NFASC: variants seen among roughly 807,000 people sequenced by gnomAD.
NFASC encodes neurofascin homolog.
A neutral mutation model predicts 147.5 loss-of-function variants in NFASC; 43 were observed. The observed-to-expected ratio is 0.29, with a 90% CI of 0.23 to 0.38. The LOEUF is 0.38. Among genes scored for constraint, NFASC ranks in the 10% least tolerant of loss-of-function variants. The probability of loss-of-function intolerance (pLI) is 1.00; values close to 1 mark genes in which losing one functional copy is unlikely to be tolerated. For missense variants in NFASC, 1,320 were observed against 1,689.0 expected (o/e 0.78, Z 3.83); for synonymous variants, 622 against 665.5 (o/e 0.93, Z 1.01).
chr1:204,988,503 A>G, intron 22 of NFASC, 130 bp from the exon 23 acceptor site: 1 of 795,614 alleles, frequency 1.3e-6, no homozygotes, highest in Non-Finnish European at 2.1e-6. Context: ...AGCCTTTAAG[A>G]TCACCAGGCA....
At chr1:205,004,471 T>G (rs2096065157) in intron 27 of NFASC, among the ~76,000 whole-genome samples, 1 of 152,216 alleles carries the variant, frequency 6.6e-6, no homozygotes, top group Non-Finnish European at 1.5e-5. Flanking sequence ...CTTCCCAGAC[T>G]CCTCCCAGCG....
At chr1:204,845,088 G>C (rs757425288) in intron 1 of NFASC, among the ~76,000 whole-genome samples, 1 of 152,108 alleles carries the variant, frequency 6.6e-6, no homozygotes, top group East Asian at 1.9e-4. Context: ...CTCTGTGCCC[G>C]AGCTGTCTTA....
chr1:204,963,166 G>A (rs1236110261), intron 8 of NFASC, among the ~76,000 whole-genome samples: 2 of 152,190 alleles, frequency 1.3e-5, no homozygotes, highest in Admixed American at 6.5e-5. Flanking sequence ...GAGGGAGCGC[G>A]AGCCAGGGAG....
intron 8 of NFASC, among the ~76,000 whole-genome samples, chr1:204,961,086 C>A (rs2150115393): frequency 6.6e-6 from 1 of 152,256 alleles, no homozygotes; most frequent in South Asian, 2.1e-4. Flanking sequence ...CAGCTGTATA[C>A]CCCACCCCCT....
chr1:204,929,425 CTGGT>C, intron 2 of NFASC: 1 of 152,452 alleles, frequency 6.6e-6, no homozygotes, highest in South Asian at 2.1e-4. Flanking sequence ...AAGACAATGA[CTGGT>C]TGACCCCACA....
intron 1 of NFASC, among the ~76,000 whole-genome samples, chr1:204,900,770 A>G (rs182855066): frequency 1.3e-5 from 2 of 152,314 alleles, no homozygotes; most frequent in East Asian, 1.9e-4. Flanking sequence ...AGGGAGAAAT[A>G]TAGGCTAGCA....
At chr1:204,939,038 A>ATGTATGTGTGTGTGTGTGTGTGTG in intron 2 of NFASC, among the ~76,000 whole-genome samples, 1 of 123,668 alleles carries the variant, frequency 8.1e-6, no homozygotes, top group Non-Finnish European at 1.7e-5. Context: ...GTATGGATGG[A>ATGTATGTGTGTGTGTGTGTGTGTG]TGTGTGTGTG....
At chr1:204,923,603 C>T (rs537120158) in intron 2 of NFASC, among the ~76,000 whole-genome samples, 2 of 152,238 alleles carry the variant, frequency 1.3e-5, no homozygotes, top group South Asian at 4.2e-4. Context: ...GACACAGGCC[C>T]CCTTGGACAG....
chr1:204,974,036 T>C (rs1032140026), intron 12 of NFASC, 143 bp from the exon 13 acceptor site: 1 of 644,336 alleles, frequency 1.6e-6, no homozygotes, highest in Non-Finnish European at 2.7e-6. Context: ...AGGGGCTTCC[T>C]GAAGGAGGGA....
intron 2 of NFASC, among the ~76,000 whole-genome samples, chr1:204,924,477 C>T (rs969919154): frequency 2.4e-4 from 37 of 152,322 alleles, no homozygotes; most frequent in Admixed American, 7.2e-4. Context: ...AGACCCAGCT[C>T]CCTCTCTGGG....
intron 1 of NFASC, among the ~76,000 whole-genome samples, chr1:204,850,733 GC>G (rs2075607464): frequency 6.6e-6 from 1 of 152,206 alleles, no homozygotes; most frequent in Non-Finnish European, 1.5e-5. Flanking sequence ...TCCCAGCCAT[GC>G]TTCTGTACAG....
At chr1:204,978,757 G>T (rs116145346) in intron 17 of NFASC, among the ~76,000 whole-genome samples, 1,524 of 152,280 alleles carry the variant, frequency 0.01, 25 homozygotes, top group African/African-American at 0.033. Context: ...TTCTTTGTGG[G>T]GGGGGGCTGG....
At position 204,979,613 on chromosome 1, in the gene NFASC, A is replaced by C; in HGVS notation, c.2176+54A>C. ...CTCCGGAACCCCGCACCCCAAACTC[A>C]CACTGAGATCCCCCCATTCCCAGCC... On this transcript the variant is annotated intron_variant, in intron 19 of 29. Coordinates refer to ENST00000339876, the MANE Select transcript of NFASC (RefSeq NM_001005388.3). The surrounding 1 kb of genome is among the most constrained non-coding windows in gnomAD (Gnocchi z 6.0). The C allele has an allele frequency of 6.9e-5, 103 of 1,497,932 alleles. No homozygotes were observed. The highest frequency in any genetic ancestry group is 9.0e-5 in the Non-Finnish European group (97 of 1,075,918). The allele number at this position is 1,497,932 out of a possible 1,614,324, so 92.8% of individuals were successfully genotyped here.
At position 205,012,882 on chromosome 1, in the gene NFASC, C is replaced by A. The variant is rs745323205; in HGVS notation, c.3491+16C>A. The A allele has an allele frequency of 5.6e-6, 9 of 1,595,232 alleles. No individual in the cohort carries two copies. The Admixed American group carries it at 6.7e-5, about 12-fold the overall frequency. On this transcript the variant is annotated intron_variant, in intron 29 of 29. Transcript: ENST00000339876. ...TTGACTATAGGTGCGTGATCTCCCTCCTCCTCTCTCAGGCAGGCTGTCCTC... is the reference window on the plus strand; with the variant it reads ...TTGACTATAGGTGCGTGATCTCCCTACTCCTCTCTCAGGCAGGCTGTCCTC...
intron 1 of NFASC, among the ~76,000 whole-genome samples, chr1:204,900,468 C>T (rs1442278230): frequency 6.6e-6 from 1 of 152,156 alleles, no homozygotes. Context: ...ATTTATTCAA[C>T]AAATATTTTT....
intron 26 of NFASC, 79 bp downstream of exon 26, chr1:205,001,365 A>C: frequency 1.2e-6 from 1 of 860,926 alleles, no homozygotes. Flanking sequence ...GCCATTAAAG[A>C]GCTCCTGTGA....
intron 27 of NFASC, among the ~76,000 whole-genome samples, chr1:205,008,190 T>C (rs2096173568): frequency 6.6e-6 from 1 of 152,116 alleles, no homozygotes; most frequent in Non-Finnish European, 1.5e-5. Context: ...CTGGGAACTT[T>C]CTTGGTGCAA....
intron 27 of NFASC, among the ~76,000 whole-genome samples, chr1:205,007,505 G>A (rs2096146404): frequency 6.6e-6 from 1 of 150,494 alleles, no homozygotes. Context: ...AGGGAGGGAG[G>A]GAAGGAAGGA....
At chr1:204,991,353 A>C (rs1558396715) in intron 24 of NFASC, 47 bp downstream of exon 24, 2 of 1,600,686 alleles carry the variant, frequency 1.2e-6, no homozygotes, top group Non-Finnish European at 1.7e-6. Flanking sequence ...GGGGCAGCGC[A>C]GGCGGAGCCC....
Sources: gnomAD v4.1 joint callset for allele counts (sites outside exome capture counted in the v4.1 genomes callset) on GRCh38, gnomAD v4.1.1 for gene constraint, Gnocchi (gnomAD v3.1) non-coding constraint, MANE v1.5 for transcripts, NCBI Gene and HGNC (gene_info 2026-07-23, HGNC 2026-07-21) for gene names.